INVS: variants seen among roughly 807,000 people sequenced by gnomAD.
INVS encodes the protein inversin.
Under a neutral mutation model 108.8 loss-of-function variants are expected in INVS, and 86 were observed. The observed-to-expected ratio is 0.79, with a 90% CI of 0.66 to 0.95. The LOEUF is 0.95. Among genes scored for constraint, INVS ranks in the 40% least tolerant of loss-of-function variants. INVS has a pLI of 0.00. For missense variants in INVS, 1,169 were observed against 1,297.4 expected (o/e 0.90, Z 1.52); for synonymous variants, 455 against 473.5 (o/e 0.96, Z 0.51).
At chr9:100,179,046 T>C (rs1829801936) in intron 3 of INVS, among the ~76,000 whole-genome samples, 1 of 152,200 alleles carries the variant, frequency 6.6e-6, no homozygotes. Flanking sequence ...CTAAGCTTCA[T>C]AAGCGAAGGA....
intron 2 of INVS, among the ~76,000 whole-genome samples, chr9:100,109,974 G>A (rs532102902): frequency 6.6e-6 from 1 of 152,292 alleles, no homozygotes; most frequent in Non-Finnish European, 1.5e-5. Context: ...GCCTCTACTT[G>A]TTTTTAACAT....
chr9:100,296,629 C>T (rs1833799585), intron 14 of INVS, among the ~76,000 whole-genome samples: 1 of 152,202 alleles, frequency 6.6e-6, no homozygotes, highest in Non-Finnish European at 1.5e-5. Flanking sequence ...CTTGCTCTTG[C>T]ACAGTACTCT....
chr9:100,252,695 G>T (rs985343929), intron 9 of INVS, among the ~76,000 whole-genome samples: 1 of 152,162 alleles, frequency 6.6e-6, no homozygotes, highest in Admixed American at 6.5e-5. Flanking sequence ...TTCCTAGCCA[G>T]TCCAATTTAC....
chr9:100,185,021 C>T (rs1023168995), intron 3 of INVS, among the ~76,000 whole-genome samples: 7 of 152,210 alleles, frequency 4.6e-5, no homozygotes, highest in South Asian at 4.1e-4. Context: ...TCCTCAGGCA[C>T]GAAAGATGTA....
At chr9:100,228,611 C>T (rs1831409472) in intron 4 of INVS, among the ~76,000 whole-genome samples, 1 of 152,172 alleles carries the variant, frequency 6.6e-6, no homozygotes, top group African/African-American at 2.4e-5. Flanking sequence ...GCCGCTTTCT[C>T]TTTCTCAGTG....
chr9:100,287,531 A>T (rs1436153112), intron 13 of INVS, among the ~76,000 whole-genome samples: 1 of 152,174 alleles, frequency 6.6e-6, no homozygotes, highest in Non-Finnish European at 1.5e-5. Flanking sequence ...CTGTGTCCCC[A>T]CCCAAATTCC....
chr9:100,155,652 A>G (rs1828952163), intron 3 of INVS, among the ~76,000 whole-genome samples: 1 of 152,210 alleles, frequency 6.6e-6, no homozygotes, highest in Non-Finnish European at 1.5e-5. Context: ...TGACTTTAAA[A>G]CATAGTAAAT....
At position 100,248,689 on chromosome 9, in the gene INVS, G is replaced by A. The variant is rs570406792; in HGVS notation, c.1078+1902G>A. Among the ~76,000 whole-genome samples, 35 of 152,046 alleles carry A rather than the reference G, an allele frequency of 2.3e-4. No individual in the cohort carries two copies. In the Middle Eastern group the frequency reaches 0.01, roughly 45 times the overall value. On this transcript the variant is annotated intron_variant, in intron 8 of 16. Transcript: ENST00000262457. ...GATTAAGCTATTGTCTCTCAGCTTC[G>A]TGTTGATCCTTTTGTCCTTTCTTTG...
intron 2 of INVS, among the ~76,000 whole-genome samples, chr9:100,119,220 A>G (rs1040241408): frequency 4.6e-5 from 7 of 152,088 alleles, no homozygotes; most frequent in African/African-American, 1.7e-4. Context: ...TTGCCTTTTC[A>G]TAACAATTTT....
chr9:100,129,717 A>G (rs1828000259), intron 3 of INVS: 1 of 711,626 alleles, frequency 1.4e-6, no homozygotes, highest in Non-Finnish European at 2.6e-6. Context: ...AAGAGACTAC[A>G]ATCATTCAAA....
chr9:100,134,527 T>C (rs1828161923), intron 3 of INVS, among the ~76,000 whole-genome samples: 1 of 152,166 alleles, frequency 6.6e-6, no homozygotes, highest in African/African-American at 2.4e-5. Context: ...CACACTGTTT[T>C]CCATAGCGGC....
At position 100,253,146 on chromosome 9, in the gene INVS, C is replaced by A. The variant is rs1185160222; in HGVS notation, c.1464+10C>A. On this transcript the variant is annotated intron_variant, in intron 10 of 16. Coordinates refer to ENST00000262457, the MANE Select transcript of INVS (RefSeq NM_014425.5). ...CATTCAAGACAAAGAGGTAGAAATT[C>A]TGTCTTTTCTATATTGTTTGCTCCA... The A allele has an allele frequency of 1.9e-6, 3 of 1,591,652 alleles. No individual in the cohort carries two copies. Among genetic ancestry groups the A allele is most frequent in the African/African-American group, 1.3e-5 (1 of 74,504 alleles).
intron 3 of INVS, among the ~76,000 whole-genome samples, chr9:100,207,693 CTA>C: frequency 6.6e-6 from 1 of 152,202 alleles, no homozygotes. Context: ...AACAAAAAAA[CTA>C]AAAAGGATTA....
intron 5 of INVS, among the ~76,000 whole-genome samples, chr9:100,239,047 G>A (rs1307499991): frequency 6.6e-6 from 1 of 152,216 alleles, no homozygotes; most frequent in Non-Finnish European, 1.5e-5. Context: ...ATTGTCATGG[G>A]AGTGTTAATT....
intron 1 of INVS, among the ~76,000 whole-genome samples, chr9:100,101,073 TAC>T (rs200604109): frequency 3.4e-4 from 41 of 121,108 alleles, no homozygotes; most frequent in African/African-American, 8.6e-4. Flanking sequence ...GTATAATATA[TAC>T]ACACACACAC....
intron 4 of INVS, among the ~76,000 whole-genome samples, chr9:100,229,132 T>A (rs190611398): frequency 6.6e-6 from 1 of 152,154 alleles, no homozygotes; most frequent in South Asian, 2.1e-4. Context: ...AACAAACAAT[T>A]TTTTCTTATT....
At chr9:100,125,228 G>C (rs1412159609) in intron 2 of INVS, among the ~76,000 whole-genome samples, 1 of 152,134 alleles carries the variant, frequency 6.6e-6, no homozygotes, top group Non-Finnish European at 1.5e-5. Context: ...GCTTAATTCG[G>C]GGCATTGATA....
At chr9:100,131,652 AG>A (rs1828058108) in intron 3 of INVS, among the ~76,000 whole-genome samples, 1 of 152,178 alleles carries the variant, frequency 6.6e-6, no homozygotes, top group South Asian at 2.1e-4. Context: ...AGGATAAAAA[AG>A]CTTTAGAAAT....
intron 7 of INVS, among the ~76,000 whole-genome samples, chr9:100,243,895 C>G (rs1477544658): frequency 6.6e-6 from 1 of 152,106 alleles, no homozygotes; most frequent in African/African-American, 2.4e-5. Context: ...CCTGTAGTCT[C>G]AGCTACTTGG....
Sources: allele counts gnomAD v4.1 joint callset (sites outside exome capture counted in the v4.1 genomes callset), GRCh38; gene constraint gnomAD v4.1.1; transcripts MANE v1.5; gene names NCBI Gene and HGNC (gene_info 2026-07-23, HGNC 2026-07-21).